The following GLIS3 variants were observed in gnomAD, a reference collection of about 807,000 sequenced individuals.
GLIS3 encodes the protein zinc finger protein GLIS3.
A neutral mutation model predicts 78.6 loss-of-function variants in GLIS3; 53 were observed. The observed-to-expected ratio is 0.67, with a 90% CI of 0.54 to 0.85. The LOEUF (loss-of-function observed/expected upper bound fraction) is 0.85, where lower values mean the gene tolerates loss of function less well. Among genes scored for constraint, GLIS3 ranks in the 40% least tolerant of loss-of-function variants. GLIS3 has a pLI of 0.00. For synonymous variants in GLIS3, 684 were observed against 509.9 expected, an observed-to-expected ratio of 1.34 and a Z score of -4.60; for missense variants, 1,703 against 1,231.1, an observed-to-expected ratio of 1.38 and a Z score of -5.74.
intron 8 of GLIS3, among the ~76,000 whole-genome samples, chr9:3,874,702 T>C (rs7018607): frequency 0.2 from 30,736 of 152,178 alleles, 3,554 homozygotes; most frequent in African/African-American, 0.31. Flanking sequence ...TACTGCACAA[T>C]TGACTGCATG....
At chr9:4,454,628 C>T in the GLIS3 span, among the ~76,000 whole-genome samples, 1 of 152,102 alleles carries the variant, frequency 6.6e-6, no homozygotes, top group Non-Finnish European at 1.5e-5. Flanking sequence ...CATGTATCTC[C>T]TCTTATTTCA....
intron 4 of GLIS3, among the ~76,000 whole-genome samples, chr9:4,024,889 G>A (rs553773916): frequency 2.0e-5 from 3 of 152,076 alleles, no homozygotes; most frequent in Non-Finnish European, 4.4e-5. Context: ...ATCTCCACAG[G>A]GCAGTAATCA....
At chr9:4,075,162 C>A (rs183519795) in intron 4 of GLIS3, among the ~76,000 whole-genome samples, 4 of 145,354 alleles carry the variant, frequency 2.8e-5, no homozygotes, top group Non-Finnish European at 4.5e-5. Flanking sequence ...TTTACTGTGG[C>A]GATGGTACCA....
intron 2 of GLIS3, among the ~76,000 whole-genome samples, chr9:4,265,470 G>A (rs527679091): frequency 4.7e-5 from 7 of 147,902 alleles, no homozygotes; most frequent in African/African-American, 1.3e-4. Flanking sequence ...TCTCACATCC[G>A]TCACATTCTA....
At chr9:4,141,605 T>G (rs983177324) in intron 2 of GLIS3, among the ~76,000 whole-genome samples, 2 of 152,204 alleles carry the variant, frequency 1.3e-5, no homozygotes, top group African/African-American at 4.8e-5. Context: ...ATGAGTAAGA[T>G]GGAATCTTGG....
intron 2 of GLIS3, among the ~76,000 whole-genome samples, chr9:4,248,612 G>C (rs1054877920): frequency 6.6e-6 from 1 of 152,134 alleles, no homozygotes; most frequent in East Asian, 1.9e-4. Flanking sequence ...CTCAGTAGTG[G>C]GATTGCTGGG....
intron 2 of GLIS3, among the ~76,000 whole-genome samples, chr9:4,159,551 T>G (rs949291895): frequency 4.6e-5 from 7 of 152,030 alleles, no homozygotes; most frequent in Non-Finnish European, 1.0e-4. Flanking sequence ...AAACCCCGTC[T>G]CTACTAAAAA....
At chr9:3,839,787 A>C (rs923960783) in intron 9 of GLIS3, among the ~76,000 whole-genome samples, 1 of 152,208 alleles carries the variant, frequency 6.6e-6, no homozygotes, top group East Asian at 1.9e-4. Context: ...GTTGCAGGCA[A>C]AGTTACCCAG....
chr9:4,143,298 G>A (rs1358983913), intron 2 of GLIS3, among the ~76,000 whole-genome samples: 1 of 152,072 alleles, frequency 6.6e-6, no homozygotes, highest in Non-Finnish European at 1.5e-5. Flanking sequence ...CGGGCACAGT[G>A]GCTCACACCT....
At chr9:3,896,693 G>A (rs1477531695) in intron 7 of GLIS3, among the ~76,000 whole-genome samples, 2 of 20,236 alleles carry the variant, frequency 9.9e-5, no homozygotes, top group Non-Finnish European at 2.4e-4. Context: ...AAGTAGAGAG[G>A]GTAAACTTTC....
Position 3,919,119 on chromosome 9 carries a change from C to T in GLIS3, c.1983+13241G>A, listed in dbSNP as rs549925034. On this transcript the variant is annotated intron_variant, in intron 6 of 10. Coordinates refer to ENST00000381971, the MANE Select transcript of GLIS3 (RefSeq NM_001042413.2). The stretch of plus-strand genomic sequence containing the variant: ...ACCTAGCCACCAAGAGGAGAGCTTA[C>T]ACAATTTTCAATTAGGTACTCCAAA... Among the ~76,000 whole-genome samples the T allele has an allele frequency of 3.3e-5, 5 of 152,200 alleles. No individual in the cohort carries two copies. The South Asian group carries it at 8.3e-4, about 25-fold the overall frequency.
intron 4 of GLIS3, among the ~76,000 whole-genome samples, chr9:3,940,936 G>A (rs939227902): frequency 3.3e-5 from 5 of 152,176 alleles, no homozygotes; most frequent in Non-Finnish European, 2.9e-5. Context: ...GCACCCCTGA[G>A]GAGTGGTTCT....
chr9:4,384,313 G>A, the GLIS3 span, among the ~76,000 whole-genome samples: 2 of 150,528 alleles, frequency 1.3e-5, no homozygotes, highest in Admixed American at 6.6e-5. Flanking sequence ...AGATAATACT[G>A]TTCAGTTAGC....
the GLIS3 span, among the ~76,000 whole-genome samples, chr9:4,488,554 C>A: frequency 1.3e-5 from 2 of 152,100 alleles, no homozygotes; most frequent in Admixed American, 1.3e-4. Flanking sequence ...GGTTTCCCTC[C>A]GGTCGCCCAG....
chr9:4,292,891 G>T (rs184472472), intron 1 of GLIS3, among the ~76,000 whole-genome samples: 1 of 152,160 alleles, frequency 6.6e-6, no homozygotes, highest in Admixed American at 6.6e-5. Context: ...CTGAAAAGAG[G>T]AATTTGAAAT....
chr9:4,416,344 T>C, the GLIS3 span, among the ~76,000 whole-genome samples: 17 of 151,754 alleles, frequency 1.1e-4, no homozygotes, highest in Admixed American at 1.1e-3. Context: ...TTTACAATTT[T>C]TTGTCAAAAT....
chr9:4,467,206 C>T, the GLIS3 span, among the ~76,000 whole-genome samples: 2 of 152,302 alleles, frequency 1.3e-5, no homozygotes, highest in African/African-American at 4.8e-5. Context: ...CCTCTGGGGG[C>T]AGGGAATAGC....
intron 9 of GLIS3, 115 bp from the exon 10 acceptor site, chr9:3,829,607 T>C (rs1381368923): frequency 1.1e-6 from 1 of 951,596 alleles, no homozygotes; most frequent in Non-Finnish European, 1.7e-6. Flanking sequence ...TGCCTTTAAC[T>C]CTTAAGGCCA....
At chr9:3,909,794 C>T (rs1824005616) in intron 6 of GLIS3, among the ~76,000 whole-genome samples, 1 of 152,184 alleles carries the variant, frequency 6.6e-6, no homozygotes, top group South Asian at 2.1e-4. Context: ...TTCCTGTCAA[C>T]TCTGTAGCAA....
Sources: allele counts gnomAD v4.1 joint callset (sites outside exome capture counted in the v4.1 genomes callset), GRCh38; gene constraint gnomAD v4.1.1; transcripts MANE v1.5; gene names NCBI Gene and HGNC (gene_info 2026-07-23, HGNC 2026-07-21).